Variants in WWOX observed in about 807,000 individuals in gnomAD.
The protein encoded by WWOX is WW domain containing oxidoreductase.
In WWOX, 69 loss-of-function variants were observed where a neutral mutation model predicts 46.2. That is an observed-to-expected ratio of 1.49 (90% CI 1.23 to 1.82). WWOX has a LOEUF of 1.82. WWOX is among the 40% of genes most tolerant of loss of function. The pLI is 0.00. For missense variants in WWOX, 919 were observed against 542.6 expected, an observed-to-expected ratio of 1.69 and a Z score of -6.89; for synonymous variants, 359 against 202.6, an observed-to-expected ratio of 1.77 and a Z score of -6.56.
intron 5 of WWOX, among the ~76,000 whole-genome samples, chr16:78,205,292 GA>G (rs1374674889): frequency 6.6e-6 from 1 of 152,110 alleles, no homozygotes; most frequent in Non-Finnish European, 1.5e-5. Context: ...TAGACAAACA[GA>G]AAAAATGCCA....
intron 8 of WWOX, among the ~76,000 whole-genome samples, chr16:78,593,005 C>A (rs114266270): frequency 6.6e-6 from 1 of 152,140 alleles, no homozygotes; most frequent in Non-Finnish European, 1.5e-5. Flanking sequence ...CAGATAGCTG[C>A]CAGGGAGGCT....
At chr16:79,092,273 A>C (rs1263566565) in intron 8 of WWOX, among the ~76,000 whole-genome samples, 1 of 152,216 alleles carries the variant, frequency 6.6e-6, no homozygotes, top group Non-Finnish European at 1.5e-5. Flanking sequence ...TAACAATATT[A>C]AAACCTAAAG....
chr16:78,194,862 A>G (rs141835980), intron 5 of WWOX, among the ~76,000 whole-genome samples: 34 of 152,244 alleles, frequency 2.2e-4, no homozygotes, highest in Middle Eastern at 3.4e-3. Context: ...CTAACGCTCT[A>G]TGTAACTGTC....
intron 8 of WWOX, among the ~76,000 whole-genome samples, chr16:78,758,196 A>G (rs1204592536): frequency 6.6e-6 from 1 of 152,232 alleles, no homozygotes; most frequent in Non-Finnish European, 1.5e-5. Flanking sequence ...TTTGCCACAT[A>G]TAGATGAAGA....
intron 4 of WWOX, among the ~76,000 whole-genome samples, chr16:78,131,662 A>T (rs921437049): frequency 2.0e-5 from 3 of 151,244 alleles, no homozygotes; most frequent in Admixed American, 2.0e-4. Flanking sequence ...GCTCACTGCA[A>T]CCTCCACGTC....
At chr16:79,083,000 A>C (rs544688216) in intron 8 of WWOX, among the ~76,000 whole-genome samples, 6 of 152,204 alleles carry the variant, frequency 3.9e-5, no homozygotes, top group African/African-American at 1.2e-4. Flanking sequence ...CAAAATGCCT[A>C]CCTGGCACTC....
intron 8 of WWOX, among the ~76,000 whole-genome samples, chr16:79,159,868 G>C (rs1177137369): frequency 6.6e-6 from 1 of 152,172 alleles, no homozygotes; most frequent in Non-Finnish European, 1.5e-5. Flanking sequence ...GGGCTTGTCA[G>C]CTTGGGGTGT....
At chr16:79,138,251 A>G (rs1451569271) in intron 8 of WWOX, among the ~76,000 whole-genome samples, 1 of 152,206 alleles carries the variant, frequency 6.6e-6, no homozygotes, top group Non-Finnish European at 1.5e-5. Flanking sequence ...ATGTTCTAAG[A>G]GCAAGGTGCT....
At chr16:78,230,392 C>A (rs149166328) in intron 5 of WWOX, among the ~76,000 whole-genome samples, 1 of 152,238 alleles carries the variant, frequency 6.6e-6, no homozygotes, top group Admixed American at 6.5e-5. Context: ...TGTACACAAG[C>A]ATTTGACTGT....
chr16:79,083,667 C>T (rs188885988), intron 8 of WWOX, among the ~76,000 whole-genome samples: 86 of 152,264 alleles, frequency 5.6e-4, no homozygotes, highest in Admixed American at 2.0e-3. Flanking sequence ...GACAATTGCA[C>T]GGCACAGAGG....
chr16:78,212,409 G>C (rs567735699), intron 5 of WWOX, among the ~76,000 whole-genome samples: 2 of 152,190 alleles, frequency 1.3e-5, no homozygotes, highest in Non-Finnish European at 2.9e-5. Context: ...AAAGCATCCA[G>C]GCCCCAGGAA....
At chr16:78,326,576 C>T (rs1298217791) in intron 5 of WWOX, among the ~76,000 whole-genome samples, 9 of 46,388 alleles carry the variant, frequency 1.9e-4, no homozygotes, top group East Asian at 3.9e-3. Context: ...GCCCTCCCCC[C>T]GCCCCCCCCC....
At chr16:78,293,978 G>GAAAAAAAAAAAAAAAA (rs35079271) in intron 5 of WWOX, among the ~76,000 whole-genome samples, 1 of 30,310 alleles carries the variant, frequency 3.3e-5, no homozygotes, top group Non-Finnish European at 6.7e-5. Context: ...CTCTGTCTCA[G>GAAAAAAAAAAAAAAAA]AAAAAAAAAA....
At chr16:78,763,327 T>C (rs148631868) in intron 8 of WWOX, among the ~76,000 whole-genome samples, 2 of 152,396 alleles carry the variant, frequency 1.3e-5, no homozygotes, top group Non-Finnish European at 2.9e-5. Context: ...CCATGTGATT[T>C]CTTCTTCGAC....
At chr16:78,579,742 TATC>T (rs1182841048) in intron 8 of WWOX, among the ~76,000 whole-genome samples, 5 of 152,164 alleles carry the variant, frequency 3.3e-5, no homozygotes, top group African/African-American at 7.2e-5. Flanking sequence ...AGAAAACAAA[TATC>T]ATCTGCCTTG....
chr16:78,880,693 G>A (rs1312720393), intron 8 of WWOX, among the ~76,000 whole-genome samples: 1 of 152,162 alleles, frequency 6.6e-6, no homozygotes, highest in Non-Finnish European at 1.5e-5. Context: ...TCTTGCTGGC[G>A]GTCCATCTGA....
chr16:78,718,290 C>T (rs538777501), intron 8 of WWOX, among the ~76,000 whole-genome samples: 5 of 151,152 alleles, frequency 3.3e-5, no homozygotes, highest in Admixed American at 1.3e-4. Context: ...GAGAAAAGTC[C>T]GTGAGGGATT....
chr16:78,536,232 A>G (rs902832297), intron 8 of WWOX, among the ~76,000 whole-genome samples: 6 of 152,148 alleles, frequency 3.9e-5, no homozygotes, highest in Admixed American at 3.9e-4. Flanking sequence ...TGCCCCCACC[A>G]AAATGAAGTT....
At chr16:78,992,632 A>T (rs1225133086) in intron 8 of WWOX, among the ~76,000 whole-genome samples, 3 of 152,130 alleles carry the variant, frequency 2.0e-5, no homozygotes, top group African/African-American at 7.2e-5. Context: ...CCTTCCCATG[A>T]TCCCATCTTA....
Sources: allele counts gnomAD v4.1 joint callset (sites outside exome capture counted in the v4.1 genomes callset), GRCh38; gene constraint gnomAD v4.1.1; transcripts MANE v1.5; gene names NCBI Gene and HGNC (gene_info 2026-07-23, HGNC 2026-07-21).